The following IRF1 variants were observed in gnomAD, a reference collection of about 807,000 sequenced individuals.
IRF1 encodes the protein interferon regulatory factor-1.
IRF1 carries 13 observed loss-of-function variants against 43.7 expected under a neutral mutation model. That is an observed-to-expected ratio of 0.30 (90% CI 0.19 to 0.47). IRF1 has a LOEUF of 0.47. IRF1 is among the 20% of genes least tolerant of loss of function. The pLI is 0.99. For synonymous variants in IRF1, 138 were observed against 146.8 expected (o/e 0.94, Z 0.43); for missense variants, 236 against 408.9 (o/e 0.58, Z 3.65).
Position 132,487,065 on chromosome 5 carries a change from T to C in IRF1, c.253A>G (p.Met85Val), listed in dbSNP as rs752975938. The C allele has an allele frequency of 1.2e-6, 2 of 1,614,228 alleles. No homozygotes were observed. The highest frequency in any genetic ancestry group is 1.7e-6 in the Non-Finnish European group (2 of 1,180,036). The change falls in exon 4 of 10, where the codon ATG becomes GTG. Residue 85 changes from methionine (M) to valine (V), a missense_variant. Met to Val is a conservative substitution (Grantham distance 21, BLOSUM62 1). Transcript: ENST00000245414. Reference protein sequence around the residue: ...KTWKANFRCAMNSLPDIEEVK... With the variant: ...KTWKANFRCAVNSLPDIEEVK... Reference sequence around the variant, plus strand: ...TCCTCGATATCTGGCAGGGAGTTCATGGCACAGCGAAAGTTGGCCTTCCAC... The same window carrying C: ...TCCTCGATATCTGGCAGGGAGTTCACGGCACAGCGAAAGTTGGCCTTCCAC...
chr5:132,489,696 C>T, intron 1 of IRF1: 1 of 501,478 alleles, frequency 2.0e-6, no homozygotes, highest in Non-Finnish European at 3.7e-6. Context: ...CTTCCTTCAG[C>T]CCCTCCCAGC....
chr5:132,487,555 G>C (rs1034128148), intron 3 of IRF1: 1 of 345,428 alleles, frequency 2.9e-6, no homozygotes, highest in Admixed American at 4.4e-5. Context: ...GGATAAAGGA[G>C]GCCACCAACC....
rs772266040 is a variant in IRF1, at chr5:132,489,494, AAC to A, written c.-5-13_-5-12del. 4.4e-6 allele frequency: 7 copies of A among 1,609,098 alleles called. No individual in the cohort carries two copies. The highest frequency in any genetic ancestry group is 2.2e-5 in the South Asian group (2 of 90,992). On this transcript the variant is annotated splice_polypyrimidine_tract_variant and intron_variant, in intron 1 of 9. Coordinates refer to ENST00000245414, the MANE Select transcript of IRF1 (RefSeq NM_002198.3). ...TGATGGGCATGTTGGCTGTAAAGAGAACACAGAGGCTCCAGTCTGGAATCTGT... is the reference window on the plus strand; with the variant it reads ...TGATGGGCATGTTGGCTGTAAAGAGAACAGAGGCTCCAGTCTGGAATCTGT...
Position 132,486,801 on chromosome 5 carries a change from C to T in IRF1, c.408G>A (p.Lys136=), listed in dbSNP as rs567563166. 1.2e-5 allele frequency: 20 copies of T among 1,614,234 alleles called. No homozygotes were observed. Among genetic ancestry groups the T allele is most frequent in the Non-Finnish European group, 1.6e-5 (19 of 1,180,040 alleles). ...TGCTTAGGACCACACTCACCTTCCT[C>T]TTGGCCTTGCTCTTAGCATCTCGGC... The part of the protein sequence containing the change: ...KSSRDAKSKA[K]RKSCGDSSPD... The change falls in exon 5 of 10, where the codon AAG becomes AAA. Residue 136 remains lysine, a synonymous_variant. Coordinates refer to ENST00000245414, the MANE Select transcript of IRF1 (RefSeq NM_002198.3).
chr5:132,485,808 CTCTG>C (rs1754507320), intron 7 of IRF1, 92 bp from the exon 8 acceptor site: 1 of 752,610 alleles, frequency 1.3e-6, no homozygotes, highest in Non-Finnish European at 2.3e-6. Context: ...CCTGCCCTTT[CTCTG>C]TCTCTCTGTC....
Position 132,483,721 on chromosome 5 carries a change from C to T in IRF1, c.*230G>A. 2.0e-6 allele frequency: 1 copy of T among 511,318 alleles called. No homozygotes were observed. Among genetic ancestry groups the T allele is most frequent in the South Asian group, 2.3e-5 (1 of 42,602 alleles). 31.7% of individuals were successfully genotyped at this position (511,318 alleles called of 1,614,324 possible). A position where few individuals can be genotyped will look rare whatever the true frequency, so the allele number is the denominator to read the frequency against. Reference sequence around the variant, plus strand: ...TGACCTGATACACTGGTCTCAGAACCTCATCTTCCCAGGAGGCAGGGCCAG... The same window carrying T: ...TGACCTGATACACTGGTCTCAGAACTTCATCTTCCCAGGAGGCAGGGCCAG... On this transcript the variant is annotated 3_prime_UTR_variant, in exon 10 of 10. Transcript: ENST00000245414.
At chr5:132,487,242 A>T in intron 3 of IRF1, 112 bp from the exon 4 acceptor site, 1 of 1,081,238 alleles carries the variant, frequency 9.2e-7, no homozygotes. Flanking sequence ...GCTACCAGAG[A>T]GCCACAGTGG....
chr5:132,488,093 G>C, intron 2 of IRF1, 68 bp from the exon 3 acceptor site: 4 of 1,214,170 alleles, frequency 3.3e-6, no homozygotes, highest in Non-Finnish European at 4.9e-6. Flanking sequence ...GGCTGAGTCT[G>C]AGACCCAGGC....
intron 6 of IRF1, 26 bp downstream of exon 6, chr5:132,486,531 C>G: frequency 6.2e-7 from 1 of 1,613,734 alleles, no homozygotes; most frequent in Non-Finnish European, 8.5e-7. Context: ...CCTGTGGGGT[C>G]TCCTGCCAGA....
In IRF1 at chr5:132,482,243, G is replaced by A. The variant is rs1169094858; in HGVS notation, c.*1708C>T. On this transcript the variant is annotated 3_prime_UTR_variant, in exon 10 of 10. Coordinates refer to ENST00000245414, the MANE Select transcript of IRF1 (RefSeq NM_002198.3). The stretch of plus-strand genomic sequence containing the variant: ...AATTTTTTTTTTTTTTTTTGAGACG[G>A]AGTCTCGCTCTGTCGCCCAGGCTGT... 1 of 146,154 alleles carries A rather than the reference G, an allele frequency of 6.8e-6. No homozygotes were observed. Among genetic ancestry groups the A allele is most frequent in the East Asian group, 2.0e-4 (1 of 4,960 alleles). The allele number at this position is 146,154 out of a possible 1,614,324, so 9.1% of individuals were successfully genotyped here. A position where few individuals can be genotyped will look rare whatever the true frequency, so the allele number is the denominator to read the frequency against.
At chr5:132,485,026 C>T (rs1245183568) in intron 8 of IRF1, 4 of 155,254 alleles carry the variant, frequency 2.6e-5, no homozygotes, top group African/African-American at 9.6e-5. Flanking sequence ...GATTCTCCTG[C>T]CTCAGCCTTC....
In IRF1 at chr5:132,482,976, AC is replaced by A. The variant is rs1452951872; in HGVS notation, c.*974del. On this transcript the variant is annotated 3_prime_UTR_variant, in exon 10 of 10. Transcript: ENST00000245414. ...TTATAATAGATGCATGTCCCTGTTCACCCCAAAGTCAAGTTCAGGCGGGATG... is the reference window on the plus strand; with the variant it reads ...TTATAATAGATGCATGTCCCTGTTCACCCAAAGTCAAGTTCAGGCGGGATG... The A allele has an allele frequency of 4.4e-4, 67 of 152,390 alleles. No individual in the cohort carries two copies. The highest frequency in any genetic ancestry group is 1.5e-3 in the African/African-American group (64 of 41,520). The allele number at this position is 152,390 out of a possible 1,614,324, so 9.4% of individuals were successfully genotyped here. A position where few individuals can be genotyped will look rare whatever the true frequency, so the allele number is the denominator to read the frequency against.
rs776901098 is a variant in IRF1 at position 132,486,466 on chromosome 5, A to G, written c.544+91T>C. 1.9e-6 allele frequency: 3 copies of G among 1,610,308 alleles called. No individual in the cohort carries two copies. The Admixed American group carries it at 5.0e-5, about 27-fold the overall frequency. ...TCCGACCAACCCTGCAGCCTGCACT[A>G]ATGGGCCACCATGTGCCAGCACCAT... is the stretch of plus-strand genomic sequence containing the variant. On this transcript the variant is annotated intron_variant, in intron 6 of 9. Transcript: ENST00000245414.
At chr5:132,489,342 A>G (rs1442591737) in intron 2 of IRF1, 50 bp downstream of exon 2, 1 of 1,374,440 alleles carries the variant, frequency 7.3e-7, no homozygotes, top group Admixed American at 1.7e-5. Context: ...GTCCCTCCAG[A>G]AGTACATGGG....
Position 132,486,155 on chromosome 5 carries a change from G to A in IRF1, c.667+96C>T, listed in dbSNP as rs558373927. 3.3e-6 allele frequency: 5 copies of A among 1,507,480 alleles called. No homozygotes were observed. In the African/African-American group the frequency reaches 6.9e-5, roughly 21 times the overall value. The allele number at this position is 1,507,480 out of a possible 1,614,324, so 93.4% of individuals were successfully genotyped here. On this transcript the variant is annotated intron_variant, in intron 7 of 9. Transcript: ENST00000245414. ...GGCAATGCCCAACTCAATCAATTCA[G>A]TGCCAGGTGGAGTTCTGATCATCTT...
intron 3 of IRF1, chr5:132,487,553 G>T (rs1282242524): frequency 2.9e-6 from 1 of 345,868 alleles, no homozygotes; most frequent in Non-Finnish European, 5.5e-6. Context: ...AAGGATAAAG[G>T]AGGCCACCAA....
intron 8 of IRF1, 117 bp from the exon 9 acceptor site, chr5:132,484,614 A>C (rs56112055): frequency 7.6e-7 from 1 of 1,319,138 alleles, no homozygotes; most frequent in Middle Eastern, 2.6e-4. Flanking sequence ...CCATTTTCAC[A>C]ATCTCAGATA....
In IRF1 at chr5:132,487,991, G is replaced by T; in HGVS notation, c.122C>A (p.Ala41Asp). The T allele has an allele frequency of 6.2e-7, 1 of 1,613,344 alleles. No homozygotes were observed. Among genetic ancestry groups the T allele is most frequent in the Non-Finnish European group, 8.5e-7 (1 of 1,179,770 alleles). Residue 41 changes from alanine to aspartate, a missense_variant, in exon 3 of 10, where the codon GCT (alanine) becomes GAT (aspartate). Physicochemically the swap from Ala to Asp is moderately radical, Grantham distance 126. Around this residue, in one of 2 missense-constraint regions of IRF1, gnomAD observed 66 missense variants for 157.1 expected, o/e 0.42. Transcript: ENST00000245414. ...EMIFQIPWKH[A>D]AKHGWDINKD... is the part of the protein sequence containing the mutation. ...GTTGATGTCCCAGCCATGCTTGGCAGCATGCTTCCATGGGATCTGGAAGAT... is the reference window on the plus strand; with the variant it reads ...GTTGATGTCCCAGCCATGCTTGGCATCATGCTTCCATGGGATCTGGAAGAT...
chr5:132,486,101 C>T (rs1441426812), intron 7 of IRF1, 150 bp downstream of exon 7: 6 of 1,086,350 alleles, frequency 5.5e-6, no homozygotes, highest in Admixed American at 2.0e-5. Context: ...GTCCCCGTCG[C>T]TTGCCTCCCC....
Sources: gnomAD v4.1 joint callset for allele counts on GRCh38, gnomAD v4.1.1 for gene constraint, gnomAD v4.1.1 regional missense constraint, MANE v1.5 for transcripts, NCBI Gene and HGNC (gene_info 2026-07-23, HGNC 2026-07-21) for gene names.